ARHGAP25: variants seen among roughly 807,000 people sequenced by gnomAD.
ARHGAP25 encodes rho GTPase-activating protein 25.
Under a neutral mutation model 71.0 loss-of-function variants are expected in ARHGAP25, and 34 were observed. The observed-to-expected ratio is 0.48, with a 90% CI of 0.36 to 0.64. The LOEUF (loss-of-function observed/expected upper bound fraction) is 0.64, where lower values mean the gene tolerates loss of function less well. Ranked by LOEUF, ARHGAP25 falls within the 30% of genes least tolerant of loss-of-function variation. The pLI is 0.00. For synonymous variants in ARHGAP25, 282 were observed against 296.5 expected (o/e 0.95, Z 0.50); for missense variants, 706 against 805.1 (o/e 0.88, Z 1.49).
At chr2:68,759,625 C>T (rs903067951) in intron 1 of ARHGAP25, among the ~76,000 whole-genome samples, 2 of 136,004 alleles carry the variant, frequency 1.5e-5, no homozygotes, top group East Asian at 2.2e-4. Flanking sequence ...GAATTAAAGA[C>T]CTGATGTCCT....
intron 2 of ARHGAP25, among the ~76,000 whole-genome samples, chr2:68,719,428 C>CAA (rs201534754): frequency 1.3e-3 from 96 of 74,798 alleles, no homozygotes; most frequent in East Asian, 2.4e-3. Flanking sequence ...GTCGACATGG[C>CAA]AAAAAAAAAA....
intron 1 of ARHGAP25, among the ~76,000 whole-genome samples, chr2:68,759,125 T>C (rs1676655107): frequency 6.6e-6 from 1 of 151,358 alleles, no homozygotes; most frequent in South Asian, 2.1e-4. Context: ...GGGAAATTGA[T>C]GGAAGAAAGA....
chr2:68,762,445 G>T (rs1676884353), intron 1 of ARHGAP25, among the ~76,000 whole-genome samples: 1 of 152,176 alleles, frequency 6.6e-6, no homozygotes, highest in African/African-American at 2.4e-5. Flanking sequence ...TATAATTTGA[G>T]AAAAATAGCC....
chr2:68,791,867 A>G (rs1679199251), intron 4 of ARHGAP25, among the ~76,000 whole-genome samples: 2 of 151,176 alleles, frequency 1.3e-5, no homozygotes, highest in Non-Finnish European at 3.0e-5. Flanking sequence ...TGTTCCTCTC[A>G]CTTTAGAGGG....
At chr2:68,717,559 G>T (rs2104251623) in intron 2 of ARHGAP25, among the ~76,000 whole-genome samples, 1 of 152,350 alleles carries the variant, frequency 6.6e-6, no homozygotes, top group South Asian at 2.1e-4. Context: ...GGTAAAAACT[G>T]CAGTCTTGCA....
chr2:68,712,319 A>G (rs1430839115), intron 2 of ARHGAP25, among the ~76,000 whole-genome samples: 1 of 152,202 alleles, frequency 6.6e-6, no homozygotes, highest in Non-Finnish European at 1.5e-5. Context: ...TCTTCTTTTG[A>G]TAAGTGTCTG....
Position 68,724,112 on chromosome 2 carries a change from G to A in ARHGAP25, c.-18+13414G>A, listed in dbSNP as rs1222610996. Among the ~76,000 whole-genome samples, 4 of 152,060 alleles carry A rather than the reference G, an allele frequency of 2.6e-5. No individual in the cohort carries two copies. The East Asian group carries it at 5.8e-4, about 22-fold the overall frequency. ...TGGCCTCCATTGATGAGCCACTGGG[G>A]CCAGAGAGCAGAACCATGCAGCTGA... On this transcript the variant is annotated intron_variant and NMD_transcript_variant, in intron 2 of 7. Coordinates refer to the ARHGAP25 transcript ENST00000463483.
chr2:68,719,452 A>C (rs932784045), intron 2 of ARHGAP25, among the ~76,000 whole-genome samples: 3 of 151,608 alleles, frequency 2.0e-5, no homozygotes, highest in South Asian at 2.1e-4. Flanking sequence ...AAGAAAAAAA[A>C]CCCCACAAAA....
intron 1 of ARHGAP25, among the ~76,000 whole-genome samples, chr2:68,746,754 C>T (rs552435918): frequency 2.7e-4 from 41 of 151,560 alleles, no homozygotes; most frequent in African/African-American, 9.7e-4. Context: ...CGCTTGTAAT[C>T]CCAGTACTTT....
At chr2:68,721,556 C>A (rs1674762873) in intron 2 of ARHGAP25, among the ~76,000 whole-genome samples, 1 of 152,156 alleles carries the variant, frequency 6.6e-6, no homozygotes, top group Non-Finnish European at 1.5e-5. Context: ...TTACAGGTTC[C>A]CACCAGCTCC....
At chr2:68,799,377 C>T (rs1461510099) in intron 4 of ARHGAP25, among the ~76,000 whole-genome samples, 1 of 152,150 alleles carries the variant, frequency 6.6e-6, no homozygotes, top group African/African-American at 2.4e-5. Context: ...TGTATCTGCT[C>T]ATCAGGAGGA....
chr2:68,743,411 A>G (rs1036114760), intron 1 of ARHGAP25, among the ~76,000 whole-genome samples: 2 of 152,202 alleles, frequency 1.3e-5, no homozygotes, highest in African/African-American at 2.4e-5. Context: ...CTTTCAGATC[A>G]TTATTTGTAG....
intron 2 of ARHGAP25, among the ~76,000 whole-genome samples, chr2:68,777,152 A>G (rs1677979860): frequency 1.3e-5 from 2 of 152,288 alleles, no homozygotes; most frequent in South Asian, 4.1e-4. Flanking sequence ...ATGGCGGTTG[A>G]TATGTTAAGA....
intron 1 of ARHGAP25, among the ~76,000 whole-genome samples, chr2:68,764,016 T>A (rs1438031378): frequency 1.3e-5 from 2 of 152,212 alleles, no homozygotes; most frequent in Admixed American, 1.3e-4. Context: ...AAAAGTTCTC[T>A]CCAGCCGTTT....
Position 68,745,557 on chromosome 2 carries a change from C to T in ARHGAP25, c.61+10297C>T, listed in dbSNP as rs183189549. ...CTAACCCTATTTAAACCTAATAATC[C>T]ACCTTCTTAGTGCCTGTAACTGGAC... is the stretch of plus-strand genomic sequence containing the variant. On this transcript the variant is annotated intron_variant, in intron 1 of 10. Transcript: ENST00000409202. Among the ~76,000 whole-genome samples, 4 of 152,282 alleles carry T rather than the reference C, an allele frequency of 2.6e-5. No individual in the cohort carries two copies. The East Asian group carries it at 7.7e-4, about 29-fold the overall frequency.
chr2:68,742,978 G>C (rs1675598525), intron 1 of ARHGAP25, among the ~76,000 whole-genome samples: 1 of 152,118 alleles, frequency 6.6e-6, no homozygotes, highest in Non-Finnish European at 1.5e-5. Flanking sequence ...TGTTTTGTTT[G>C]TCTATTTTTG....
rs1183280369 is a variant in ARHGAP25 at position 68,822,503 on chromosome 2, T to C, written c.1364T>C (p.Phe455Ser). The C allele has an allele frequency of 6.2e-7, 1 of 1,614,184 alleles. No homozygotes were observed. The highest frequency in any genetic ancestry group is 8.5e-7 in the Non-Finnish European group (1 of 1,180,034). ...PNRKCFLTSA[F>S]QGANSSKMEI... ...CGGAAATGTTTCTTGACATCAGCTTTTCAGGGTGCCAACAGCAGCAAAATG... is the reference window on the plus strand; with the variant it reads ...CGGAAATGTTTCTTGACATCAGCTTCTCAGGGTGCCAACAGCAGCAAAATG... The change falls in exon 10 of 11, where the codon TTT becomes TCT. Residue 455 changes from phenylalanine (F) to serine (S), a missense_variant. Transcript: ENST00000409202.
chr2:68,782,437 C>G, intron 3 of ARHGAP25, 117 bp downstream of exon 3: 1 of 844,720 alleles, frequency 1.2e-6, no homozygotes, highest in Non-Finnish European at 1.9e-6. Context: ...AACCAACCAG[C>G]CTATTGAGAG....
At chr2:68,800,889 G>T (rs1001998258) in intron 4 of ARHGAP25, among the ~76,000 whole-genome samples, 1 of 151,714 alleles carries the variant, frequency 6.6e-6, no homozygotes, top group Non-Finnish European at 1.5e-5. Flanking sequence ...ATTACATTAT[G>T]GTAATTATAT....
Sources: allele counts gnomAD v4.1 joint callset (sites outside exome capture counted in the v4.1 genomes callset), GRCh38; gene constraint gnomAD v4.1.1; transcripts MANE v1.5; gene names NCBI Gene and HGNC (gene_info 2026-07-23, HGNC 2026-07-21).